EDN1: variants seen among roughly 807,000 people sequenced by gnomAD.
The protein encoded by EDN1 is endothelin 1, also known as endothelin-1.
EDN1 carries 11 observed loss-of-function variants against 21.7 expected under a neutral mutation model. The observed-to-expected ratio is 0.51, with a 90% CI of 0.32 to 0.84. The LOEUF (loss-of-function observed/expected upper bound fraction) is 0.84, where lower values mean the gene tolerates loss of function less well. Ranked by LOEUF, EDN1 falls within the 40% of genes least tolerant of loss-of-function variation. The probability of loss-of-function intolerance (pLI) is 0.03; values close to 1 mark genes in which losing one functional copy is unlikely to be tolerated. For synonymous variants in EDN1, 85 were observed against 90.6 expected (o/e 0.94, Z 0.35); for missense variants, 244 against 262.3 (o/e 0.93, Z 0.48).
the EDN1 span, among the ~76,000 whole-genome samples, chr6:12,267,405 T>C: frequency 6.6e-6 from 1 of 152,206 alleles, no homozygotes; most frequent in African/African-American, 2.4e-5. Context: ...ACATGAATTA[T>C]AAGAAAGCAA....
chr6:12,278,089 T>C, the EDN1 span, among the ~76,000 whole-genome samples: 4 of 152,234 alleles, frequency 2.6e-5, no homozygotes, highest in African/African-American at 9.6e-5. Flanking sequence ...GGAACATTTA[T>C]TGAGTAAGAA....
the EDN1 span, among the ~76,000 whole-genome samples, chr6:12,247,695 C>T: frequency 1.3e-5 from 2 of 151,616 alleles, no homozygotes; most frequent in African/African-American, 2.4e-5. Flanking sequence ...TGCGCCACCA[C>T]GCCGGGCTAA....
chr6:12,241,036 A>G, the EDN1 span, among the ~76,000 whole-genome samples: 23 of 151,994 alleles, frequency 1.5e-4, no homozygotes, highest in Non-Finnish European at 2.8e-4. Context: ...GCAAATTTTT[A>G]TTCCCTTAAA....
the EDN1 span, among the ~76,000 whole-genome samples, chr6:12,256,020 C>A: frequency 6.6e-6 from 1 of 152,082 alleles, no homozygotes; most frequent in African/African-American, 2.4e-5. Context: ...CACTGTAACC[C>A]ACTGTAACTC....
the EDN1 span, among the ~76,000 whole-genome samples, chr6:12,270,547 T>C: frequency 5.9e-5 from 9 of 152,246 alleles, no homozygotes; most frequent in Non-Finnish European, 1.0e-4. Flanking sequence ...TTGGTCTTTC[T>C]GGAGCATGTT....
the EDN1 span, among the ~76,000 whole-genome samples, chr6:12,262,498 C>T: frequency 6.6e-6 from 1 of 152,060 alleles, no homozygotes; most frequent in African/African-American, 2.4e-5. Flanking sequence ...TGACTTTGGA[C>T]TCGAGGAAGA....
At chr6:12,251,343 G>A in the EDN1 span, among the ~76,000 whole-genome samples, 1 of 152,182 alleles carries the variant, frequency 6.6e-6, no homozygotes, top group African/African-American at 2.4e-5. Context: ...AATAAAGCAA[G>A]TAAAGCCAGT....
the EDN1 span, among the ~76,000 whole-genome samples, chr6:12,255,524 A>G: frequency 6.6e-6 from 1 of 152,234 alleles, no homozygotes; most frequent in Non-Finnish European, 1.5e-5. Context: ...TATCACCATG[A>G]CTATTTATAA....
the EDN1 span, among the ~76,000 whole-genome samples, chr6:12,258,452 A>AAAAAC: frequency 6.7e-6 from 1 of 149,666 alleles, no homozygotes; most frequent in Non-Finnish European, 1.5e-5. Context: ...CATGTCTCAA[A>AAAAAC]AAAAAAAAAA....
chr6:12,232,564 G>T, the EDN1 span, among the ~76,000 whole-genome samples: 1 of 152,140 alleles, frequency 6.6e-6, no homozygotes, highest in Non-Finnish European at 1.5e-5. Flanking sequence ...GCCTGATGCT[G>T]TCAAACTCAT....
the EDN1 span, among the ~76,000 whole-genome samples, chr6:12,237,237 T>G: frequency 1.6e-3 from 248 of 152,240 alleles, no homozygotes; most frequent in African/African-American, 5.5e-3. Flanking sequence ...TTGATGGACA[T>G]TGGGGTTGGT....
the EDN1 span, among the ~76,000 whole-genome samples, chr6:12,235,008 A>G: frequency 6.6e-6 from 1 of 152,202 alleles, no homozygotes; most frequent in Non-Finnish European, 1.5e-5. Context: ...TATCATATTC[A>G]TTGTTTGAAG....
the EDN1 span, among the ~76,000 whole-genome samples, chr6:12,230,613 A>T: frequency 6.6e-6 from 1 of 152,178 alleles, no homozygotes; most frequent in Non-Finnish European, 1.5e-5. Flanking sequence ...GGCAAAAAGG[A>T]CACCTGTTTA....
the EDN1 span, among the ~76,000 whole-genome samples, chr6:12,254,312 T>TGCC: frequency 6.6e-6 from 1 of 152,222 alleles, no homozygotes; most frequent in Non-Finnish European, 1.5e-5. Context: ...CGTCTCCCTT[T>TGCC]GCCTGGCCAA....
chr6:12,239,977 G>C, the EDN1 span, among the ~76,000 whole-genome samples: 1 of 152,164 alleles, frequency 6.6e-6, no homozygotes, highest in African/African-American at 2.4e-5. Flanking sequence ...GGTTGAGTGA[G>C]AGAGAGGATT....
the EDN1 span, among the ~76,000 whole-genome samples, chr6:12,266,382 G>A: frequency 6.6e-6 from 1 of 152,186 alleles, no homozygotes; most frequent in Non-Finnish European, 1.5e-5. Flanking sequence ...CAGGGAAAGG[G>A]TTTAGAGCAG....
chr6:12,232,189 TATATTTATAA>T, the EDN1 span, among the ~76,000 whole-genome samples: 7 of 146,768 alleles, frequency 4.8e-5, no homozygotes, highest in Non-Finnish European at 7.5e-5. Context: ...TATATTATAT[TATATTTATAA>T]TATAATATAA....
chr6:12,234,076 A>G, the EDN1 span, among the ~76,000 whole-genome samples: 3 of 152,344 alleles, frequency 2.0e-5, no homozygotes, highest in East Asian at 1.9e-4. Context: ...ATACATCTGT[A>G]TCAGGGTTAG....
the EDN1 span, among the ~76,000 whole-genome samples, chr6:12,277,183 C>T: frequency 2.6e-5 from 4 of 152,066 alleles, no homozygotes; most frequent in Non-Finnish European, 5.9e-5. Context: ...AGGCTGGAAA[C>T]CAAGCATGAG....
Sources: allele counts gnomAD v4.1 joint callset (sites outside exome capture counted in the v4.1 genomes callset), GRCh38; gene constraint gnomAD v4.1.1; transcripts MANE v1.5; gene names NCBI Gene and HGNC (gene_info 2026-07-23, HGNC 2026-07-21).